Variants in DOCK9 observed in about 807,000 individuals in gnomAD.
DOCK9 encodes dedicator of cytokinesis 9.
DOCK9 carries 89 observed loss-of-function variants against 263.3 expected under a neutral mutation model. That is an observed-to-expected ratio of 0.34 (90% CI 0.28 to 0.40). DOCK9 has a LOEUF of 0.40. Among genes scored for constraint, DOCK9 ranks in the 10% least tolerant of loss-of-function variants. The probability of loss-of-function intolerance (pLI) is 1.00; values close to 1 mark genes in which losing one functional copy is unlikely to be tolerated. For synonymous variants in DOCK9, 976 were observed against 973.1 expected, an observed-to-expected ratio of 1.00 and a Z score of -0.06; for missense variants, 2,140 against 2,603.4, an observed-to-expected ratio of 0.82 and a Z score of 3.87.
At chr13:98,832,011 T>C in intron 39 of DOCK9, 1 of 544,102 alleles carries the variant, frequency 1.8e-6, no homozygotes, top group Admixed American at 3.2e-5. Flanking sequence ...ACTAACAGAG[T>C]TGAAAGGAAC....
chr13:98,887,194 G>C (rs557698366), intron 18 of DOCK9, among the ~76,000 whole-genome samples: 15 of 133,440 alleles, frequency 1.1e-4, no homozygotes, highest in African/African-American at 4.0e-4. Flanking sequence ...CTCCTCTTAG[G>C]AAGTCACTTT....
chr13:99,077,441 C>T (rs1312094384), intron 1 of DOCK9, among the ~76,000 whole-genome samples: 1 of 152,148 alleles, frequency 6.6e-6, no homozygotes, highest in Non-Finnish European at 1.5e-5. Context: ...TGCCTGTTTC[C>T]CCTTCACCTT....
At chr13:98,995,649 C>T (rs1260697378) in intron 1 of DOCK9, among the ~76,000 whole-genome samples, 4 of 151,968 alleles carry the variant, frequency 2.6e-5, no homozygotes, top group African/African-American at 4.8e-5. Flanking sequence ...CCACCACGCC[C>T]GGCTAATTTT....
At chr13:99,043,175 G>C (rs951796853) in intron 1 of DOCK9, among the ~76,000 whole-genome samples, 1 of 151,990 alleles carries the variant, frequency 6.6e-6, no homozygotes, top group African/African-American at 2.4e-5. Context: ...CTGCCTCTCA[G>C]GGTCACATCT....
chr13:98,831,352 A>C lies in DOCK9; in HGVS notation c.4631T>G (p.Leu1544Trp). Residue 1544 changes from leucine to tryptophan, a missense_variant, in exon 41 of 53, where the codon TTG becomes TGG. By Grantham distance (61) the Leu-to-Trp change is moderately conservative. Around this residue, in one of 2 missense-constraint regions of DOCK9, gnomAD observed 619 missense variants for 861.8 expected, o/e 0.72. Transcript: ENST00000682017. ...TGKKSFVRTH[L>W]QVIISVSQLI... Reference sequence around the variant, plus strand: ...GGAAAGCTAAACCACACGCACTTGCAAATGTGTCCGGACAAAGGACTTCTT... The same window carrying C: ...GGAAAGCTAAACCACACGCACTTGCCAATGTGTCCGGACAAAGGACTTCTT... The C allele has an allele frequency of 6.2e-7, 1 of 1,602,554 alleles. No individual in the cohort carries two copies. Among genetic ancestry groups the C allele is most frequent in the Admixed American group, 1.7e-5 (1 of 58,698 alleles).
intron 1 of DOCK9, among the ~76,000 whole-genome samples, chr13:99,015,220 A>C (rs1885203528): frequency 6.6e-6 from 1 of 152,220 alleles, no homozygotes; most frequent in South Asian, 2.1e-4. Context: ...CTTTAATAAA[A>C]TATCTTATTC....
chr13:98,829,819 C>T lies in DOCK9; in HGVS notation c.4636-63G>A. On this transcript the variant is annotated intron_variant, in intron 41 of 52. Transcript: ENST00000682017. The surrounding 1 kb of genome is among the most constrained non-coding windows in gnomAD (Gnocchi z 4.1). ...TCAAATGACTGCCCAGGCTGGGCTT[C>T]TGCGTTCAGTTAGGATGTGCCTAAG... 7.0e-7 allele frequency: 1 copy of T among 1,437,156 alleles called. No homozygotes were observed. The highest frequency in any genetic ancestry group is 9.6e-7 in the Non-Finnish European group (1 of 1,043,804). The allele number at this position is 1,437,156 out of a possible 1,614,324, so 89.0% of individuals were successfully genotyped here.
At chr13:98,840,766 C>T (rs1360166147) in intron 38 of DOCK9, among the ~76,000 whole-genome samples, 7 of 152,168 alleles carry the variant, frequency 4.6e-5, no homozygotes, top group African/African-American at 1.7e-4. Flanking sequence ...GGGGGCACTT[C>T]CATGTTGATA....
intron 1 of DOCK9, among the ~76,000 whole-genome samples, chr13:99,068,812 T>C (rs2041545463): frequency 6.6e-6 from 1 of 152,148 alleles, no homozygotes; most frequent in Admixed American, 6.5e-5. Context: ...AAAGTTAACC[T>C]AAGAGATTAA....
Position 98,868,003 on chromosome 13 carries a change from G to GA in DOCK9, c.3098dup (p.Thr1034HisfsTer17). 6.2e-7 allele frequency: 1 copy of GA among 1,613,416 alleles called. No individual in the cohort carries two copies. Among genetic ancestry groups the GA allele is most frequent in the Non-Finnish European group, 8.5e-7 (1 of 1,179,672 alleles). ...AGACAAAGCCCCTGTCCATGAAGGTGAAACATCTCTGTGGAGGAAAACAAG... is the reference window on the plus strand; with the variant it reads ...AGACAAAGCCCCTGTCCATGAAGGTGAAAACATCTCTGTGGAGGAAAACAAG... On this transcript the variant is annotated frameshift_variant, in exon 29 of 53. Transcript: ENST00000682017. LOFTEE classifies it high-confidence loss of function.
At chr13:98,996,780 A>T (rs1881144555) in intron 1 of DOCK9, among the ~76,000 whole-genome samples, 1 of 152,240 alleles carries the variant, frequency 6.6e-6, no homozygotes. Context: ...GGAAGCCAAA[A>T]GATTGGGCAC....
intron 27 of DOCK9, among the ~76,000 whole-genome samples, chr13:98,871,166 T>A (rs2094175655): frequency 6.6e-6 from 1 of 152,172 alleles, no homozygotes; most frequent in African/African-American, 2.4e-5. Context: ...AGAGATGACA[T>A]GCTAAAAGTG....
intron 15 of DOCK9, among the ~76,000 whole-genome samples, chr13:98,893,905 C>A (rs1419932676): frequency 6.6e-6 from 1 of 152,196 alleles, no homozygotes; most frequent in Non-Finnish European, 1.5e-5. Flanking sequence ...ATGCTGTCAC[C>A]ATCGGATCCC....
chr13:99,005,828 A>T (rs11617391), intron 1 of DOCK9, among the ~76,000 whole-genome samples: 47,356 of 152,054 alleles, frequency 0.31, 7,482 homozygotes, highest in Middle Eastern at 0.44. Context: ...CCTGGACAAT[A>T]TAAAAAAACA....
intron 1 of DOCK9, among the ~76,000 whole-genome samples, chr13:99,069,531 T>C (rs1176420660): frequency 1.3e-5 from 2 of 152,344 alleles, no homozygotes; most frequent in Admixed American, 1.3e-4. Flanking sequence ...TTATTTTCTA[T>C]AGTCACTGGA....
Position 98,990,210 on chromosome 13 carries a change from G to C in DOCK9, c.130-34659C>G, listed in dbSNP as rs368837061. The stretch of plus-strand genomic sequence containing the variant: ...AGGTTTTCCTTTCTCTCCACCATAA[G>C]AGGAAAAAAATGCAGAAGTCACGTC... On this transcript the variant is annotated intron_variant, in intron 1 of 32. Transcript: ENST00000427887. Among the ~76,000 whole-genome samples the C allele has an allele frequency of 1.6e-3, 247 of 152,276 alleles. 9 individuals are homozygous for C. In the South Asian group the frequency reaches 0.048, roughly 30 times the overall value.
At chr13:99,007,348 A>G (rs1334524305) in intron 1 of DOCK9, among the ~76,000 whole-genome samples, 1 of 152,166 alleles carries the variant, frequency 6.6e-6, no homozygotes, top group Non-Finnish European at 1.5e-5. Context: ...AGATTGCACC[A>G]CTGCACTCAA....
rs984229067 is a variant in DOCK9 at position 98,824,573 on chromosome 13, C to G, written c.5024-69G>C. ...ACGTGGGTGAACCCTGAGGGTTTTT[C>G]CTGCCCTGTGTGTTTCTGTGTTGAA... On this transcript the variant is annotated intron_variant, in intron 44 of 52. Transcript: ENST00000682017. 2.2e-6 allele frequency: 3 copies of G among 1,391,276 alleles called. No homozygotes were observed. In the African/African-American group the frequency reaches 4.3e-5, roughly 20 times the overall value. The allele number at this position is 1,391,276 out of a possible 1,614,324, so 86.2% of individuals were successfully genotyped here. A position where few individuals can be genotyped will look rare whatever the true frequency, so the allele number is the denominator to read the frequency against.
chr13:98,901,623 G>T (rs2048287754), intron 13 of DOCK9, among the ~76,000 whole-genome samples, 155 bp downstream of exon 13: 1 of 152,164 alleles, frequency 6.6e-6, no homozygotes, highest in Admixed American at 6.5e-5. Flanking sequence ...TCAAAATCAA[G>T]ACATAAAGTT....
Sources: allele counts gnomAD v4.1 joint callset (sites outside exome capture counted in the v4.1 genomes callset), GRCh38; gene constraint gnomAD v4.1.1; regional missense constraint gnomAD v4.1.1; non-coding constraint Gnocchi (gnomAD v3.1); transcripts MANE v1.5; gene names NCBI Gene and HGNC (gene_info 2026-07-23, HGNC 2026-07-21).